Variants in NIBAN1 observed in about 807,000 individuals in gnomAD.
The protein encoded by NIBAN1 is niban apoptosis regulator 1, also known as protein Niban 1.
Under a neutral mutation model 75.1 loss-of-function variants are expected in NIBAN1, and 81 were observed. The ratio of observed to expected loss-of-function variants is 1.08; its 90% CI spans 0.90 to 1.30. NIBAN1 has a LOEUF of 1.30. Ranked by LOEUF, NIBAN1 falls within the 50% of genes most tolerant of loss-of-function variation. The probability of loss-of-function intolerance (pLI) is 0.00; values close to 1 mark genes in which losing one functional copy is unlikely to be tolerated. For synonymous variants in NIBAN1, 436 were observed against 424.8 expected, an observed-to-expected ratio of 1.03 and a Z score of -0.32; for missense variants, 1,133 against 1,128.1, an observed-to-expected ratio of 1.00 and a Z score of -0.06.
intron 1 of NIBAN1, among the ~76,000 whole-genome samples, chr1:184,916,414 A>C (rs1005875230): frequency 6.6e-6 from 1 of 152,234 alleles, no homozygotes; most frequent in Non-Finnish European, 1.5e-5. Context: ...TAACAGGTAC[A>C]TGACAATGAT....
chr1:184,959,724 G>A (rs559029740), intron 1 of NIBAN1, among the ~76,000 whole-genome samples: 1 of 152,230 alleles, frequency 6.6e-6, no homozygotes, highest in East Asian at 1.9e-4. Flanking sequence ...ATTAGAGCAG[G>A]TCCAGAGCAG....
intron 1 of NIBAN1, among the ~76,000 whole-genome samples, chr1:184,956,089 C>T (rs1658484729): frequency 1.3e-5 from 2 of 151,512 alleles, no homozygotes; most frequent in African/African-American, 4.9e-5. Context: ...TGCAGTTGTG[C>T]AATCACAGCT....
chr1:184,884,844 C>G, intron 4 of NIBAN1, 44 bp from the exon 5 acceptor site: 1 of 1,596,960 alleles, frequency 6.3e-7, no homozygotes, highest in Non-Finnish European at 8.6e-7. Context: ...AAACATGTAT[C>G]TTTTATTTCA....
In NIBAN1 at chr1:184,795,479, T is replaced by C. The variant is rs761431817; in HGVS notation, c.2285A>G (p.Asn762Ser). ...CTCGCTGACTTCACTTTCTTCACAG[T>C]TGTCGGGGTGGATGGCAGCTGCCTG... ...PSQAAAIHPDNCEESEVSERE... is the reference protein window; with the variant it reads ...PSQAAAIHPDSCEESEVSERE... Residue 762 changes from asparagine to serine, a missense_variant, in exon 14 of 14, where the codon AAC (asparagine) becomes AGC (serine). Asn to Ser is a conservative substitution (Grantham distance 46). Coordinates refer to ENST00000367511, the MANE Select transcript of NIBAN1 (RefSeq NM_052966.4). The C allele has an allele frequency of 1.2e-6, 2 of 1,612,458 alleles. No homozygotes were observed. Among genetic ancestry groups the C allele is most frequent in the Non-Finnish European group, 1.7e-6 (2 of 1,179,392 alleles).
At chr1:184,904,047 C>T (rs1382390867) in intron 1 of NIBAN1, among the ~76,000 whole-genome samples, 1 of 152,072 alleles carries the variant, frequency 6.6e-6, no homozygotes, top group African/African-American at 2.4e-5. Context: ...CAGGCATGCA[C>T]CACCACACCT....
chr1:184,826,362 C>G (rs1037569630), intron 6 of NIBAN1, among the ~76,000 whole-genome samples: 3 of 152,198 alleles, frequency 2.0e-5, no homozygotes, highest in African/African-American at 7.2e-5. Context: ...ATGCACAAAA[C>G]TCCATGGAAA....
At chr1:184,933,603 A>T (rs532237692) in intron 1 of NIBAN1, among the ~76,000 whole-genome samples, 2 of 152,360 alleles carry the variant, frequency 1.3e-5, no homozygotes, top group African/African-American at 2.4e-5. Flanking sequence ...ACTGATGTTC[A>T]TAAGTTCACA....
intron 1 of NIBAN1, among the ~76,000 whole-genome samples, chr1:184,918,963 C>T (rs1045683221): frequency 3.3e-5 from 5 of 152,148 alleles, no homozygotes; most frequent in African/African-American, 9.7e-5. Flanking sequence ...TAATTTGCCA[C>T]ACAAATGGAA....
chr1:184,899,350 G>T, intron 1 of NIBAN1, 41 bp from the exon 2 acceptor site: 2 of 1,604,098 alleles, frequency 1.2e-6, no homozygotes, highest in South Asian at 1.1e-5. Flanking sequence ...GTATAGCACA[G>T]AATATACACC....
At chr1:184,817,243 A>G (rs1002025613) in intron 9 of NIBAN1, among the ~76,000 whole-genome samples, 2 of 152,156 alleles carry the variant, frequency 1.3e-5, no homozygotes, top group Non-Finnish European at 2.9e-5. Flanking sequence ...CATGGTGTAC[A>G]TGCCACATTT....
intron 1 of NIBAN1, among the ~76,000 whole-genome samples, chr1:184,929,793 T>C (rs1278367107): frequency 6.6e-6 from 1 of 152,246 alleles, no homozygotes; most frequent in Non-Finnish European, 1.5e-5. Flanking sequence ...TGTTAAAATG[T>C]ATCTGATAGA....
At chr1:184,943,051 T>TA (rs1163428610) in intron 1 of NIBAN1, among the ~76,000 whole-genome samples, 1 of 152,224 alleles carries the variant, frequency 6.6e-6, no homozygotes, top group Non-Finnish European at 1.5e-5. Context: ...TAAAAATGAT[T>TA]AGCTTTGGGT....
At chr1:184,944,324 G>A (rs1658171116) in intron 1 of NIBAN1, among the ~76,000 whole-genome samples, 1 of 152,168 alleles carries the variant, frequency 6.6e-6, no homozygotes, top group Admixed American at 6.5e-5. Context: ...GTCTTTATGG[G>A]AATGACCACA....
chr1:184,867,716 G>T, intron 5 of NIBAN1: 1 of 273,344 alleles, frequency 3.7e-6, no homozygotes, highest in Non-Finnish European at 5.6e-6. Context: ...ATCCTGGAAA[G>T]TCAGGAGGAA....
intron 1 of NIBAN1, among the ~76,000 whole-genome samples, chr1:184,925,103 A>G (rs1035182174): frequency 6.6e-6 from 1 of 152,006 alleles, no homozygotes; most frequent in African/African-American, 2.4e-5. Context: ...TTGGGTGCAT[A>G]TATATTTACA....
At chr1:184,887,545 T>C (rs963063137) in intron 4 of NIBAN1, among the ~76,000 whole-genome samples, 11 of 152,140 alleles carry the variant, frequency 7.2e-5, no homozygotes, top group Non-Finnish European at 1.5e-4. Context: ...AGAAAGTGAA[T>C]GTACCCTCCT....
chr1:184,828,475 T>A (rs937619863), intron 6 of NIBAN1, among the ~76,000 whole-genome samples: 2 of 152,240 alleles, frequency 1.3e-5, no homozygotes, highest in African/African-American at 4.8e-5. Flanking sequence ...ACTTGGTAGC[T>A]TCTCCGGGCC....
chr1:184,944,681 A>C (rs1658178952), intron 1 of NIBAN1, among the ~76,000 whole-genome samples: 1 of 152,238 alleles, frequency 6.6e-6, no homozygotes, highest in Admixed American at 6.5e-5. Context: ...AGTTGTCATA[A>C]AGGTCTGCAG....
chr1:184,877,023 C>T (rs1469005981), intron 5 of NIBAN1, among the ~76,000 whole-genome samples: 1 of 152,146 alleles, frequency 6.6e-6, no homozygotes, highest in African/African-American at 2.4e-5. Context: ...AAACTAAATA[C>T]CTTTAAACCA....
Sources: gnomAD v4.1 joint callset for allele counts (sites outside exome capture counted in the v4.1 genomes callset) on GRCh38, gnomAD v4.1.1 for gene constraint, MANE v1.5 for transcripts, NCBI Gene and HGNC (gene_info 2026-07-23, HGNC 2026-07-21) for gene names.